TRAP1: variants seen among roughly 807,000 people sequenced by gnomAD.
The protein encoded by TRAP1 is TNF receptor associated protein 1, also known as heat shock protein 75 kDa, mitochondrial.
In TRAP1, 102 loss-of-function variants were observed where a neutral mutation model predicts 89.1. The ratio of observed to expected loss-of-function variants is 1.15; its 90% confidence interval spans 0.98 to 1.35. TRAP1 has a LOEUF of 1.35. Ranked by LOEUF, TRAP1 falls within the 40% of genes most tolerant of loss-of-function variation. The pLI is 0.00. For missense variants in TRAP1, 1,256 were observed against 945.3 expected, an observed-to-expected ratio of 1.33 and a Z score of -4.31; for synonymous variants, 508 against 388.0, an observed-to-expected ratio of 1.31 and a Z score of -3.64.
At chr16:3,708,295 G>A (rs2051478390) in intron 1 of TRAP1, among the ~76,000 whole-genome samples, 1 of 152,062 alleles carries the variant, frequency 6.6e-6, no homozygotes, top group Non-Finnish European at 1.5e-5. Flanking sequence ...AGACTAGCCT[G>A]GCCAACATGG....
chr16:3,683,822 G>A (rs2051104076), intron 4 of TRAP1, among the ~76,000 whole-genome samples: 2 of 151,240 alleles, frequency 1.3e-5, no homozygotes, highest in African/African-American at 2.4e-5. Flanking sequence ...TTTTTCAGAT[G>A]TAGACAGAAA....
At chr16:3,659,049 C>CAGGAGTGTCAGTATTAGAAAATGCTGT in intron 16 of TRAP1, 184 bp from the exon 17 acceptor site, 3 of 610,076 alleles carry the variant, frequency 4.9e-6, no homozygotes, top group South Asian at 2.4e-5. Context: ...CCAAGAGAAT[C>CAGGAGTGTCAGTATTAGAAAATGCTGT]AGGAGTGTCA....
At chr16:3,676,220 C>A in intron 6 of TRAP1, 75 bp from the exon 7 acceptor site, 1 of 1,345,586 alleles carries the variant, frequency 7.4e-7, no homozygotes, top group Non-Finnish European at 1.0e-6. Context: ...TCCAGCGGTT[C>A]CCGAGGGTTT....
At position 3,660,281 on chromosome 16, in the gene TRAP1, T is replaced by C. The variant is rs1412237641; in HGVS notation, c.1941-1416A>G. On this transcript the variant is annotated intron_variant, in intron 16 of 17. Transcript: ENST00000246957. ...TGGGGACACAGGTAGGAGGAAATTT[T>C]CCCCTGTAAGCAGTTTTGAATTCTG... is the stretch of plus-strand genomic sequence containing the variant. 2.0e-5 allele frequency: 3 copies of C among 152,210 alleles called. No individual in the cohort carries two copies. The East Asian group carries it at 5.8e-4, about 29-fold the overall frequency. 9.4% of individuals were successfully genotyped at this position (152,210 alleles called of 1,614,324 possible). A position where few individuals can be genotyped will look rare whatever the true frequency, so the allele number is the denominator to read the frequency against.
chr16:3,709,244 A>AAG (rs1555468096), intron 1 of TRAP1, among the ~76,000 whole-genome samples: 1 of 149,284 alleles, frequency 6.7e-6, no homozygotes, highest in Non-Finnish European at 1.5e-5. Context: ...AAAAAAAAAA[A>AAG]AAAGAAAAAG....
At position 3,710,335 on chromosome 16, in the gene TRAP1, A is replaced by G. The variant is rs9972684; in HGVS notation, c.88+7086T>C. On this transcript the variant is annotated intron_variant, in intron 1 of 17. Transcript: ENST00000246957. ...AAGGAGAGAACAGGGCTCCAGACAG[A>G]CCTGCAAGTTAAGGCCACAGTAAGA... The G allele has an allele frequency of 0.67, 101,272 of 152,148 alleles. 35,547 individuals are homozygous for G. The highest frequency in any genetic ancestry group is 0.89 in the African/African-American group (37,008 of 41,536). The allele number at this position is 152,148 out of a possible 1,614,324, so 9.4% of individuals were successfully genotyped here. A position where few individuals can be genotyped will look rare whatever the true frequency, so the allele number is the denominator to read the frequency against.
Position 3,664,654 on chromosome 16 carries a change from C to A in TRAP1, c.1384-195G>T. ...GCCCATCAGGCCCCTTTTGGGAGCT[C>A]TGGGGGCTTAGGAAGCACCTCCTGC... On this transcript the variant is annotated intron_variant, in intron 12 of 17. Coordinates refer to ENST00000246957, the MANE Select transcript of TRAP1 (RefSeq NM_016292.3). 17 of 597,396 alleles carry A rather than the reference C, an allele frequency of 2.8e-5. 1 individual carries two copies. In the South Asian group the frequency reaches 4.0e-4, roughly 14 times the overall value. The allele number at this position is 597,396 out of a possible 1,614,324, so 37.0% of individuals were successfully genotyped here.
intron 7 of TRAP1, 53 bp from the exon 8 acceptor site, chr16:3,675,450 C>T: frequency 6.3e-7 from 1 of 1,579,586 alleles, no homozygotes; most frequent in Admixed American, 1.7e-5. Flanking sequence ...TGTGGAAACG[C>T]AAGCTTTGCA....
chr16:3,703,646 A>ATACCTCT (rs1162265153), intron 1 of TRAP1, among the ~76,000 whole-genome samples: 1 of 152,036 alleles, frequency 6.6e-6, no homozygotes, highest in Non-Finnish European at 1.5e-5. Context: ...TTCATCAGAT[A>ATACCTCT]TACCTCTGTA....
chr16:3,686,523 C>T (rs890254521), intron 3 of TRAP1, among the ~76,000 whole-genome samples: 2 of 152,178 alleles, frequency 1.3e-5, no homozygotes, highest in African/African-American at 4.8e-5. Context: ...CGCTATGTTG[C>T]CCAGGCTGGT....
chr16:3,671,765 G>T lies in TRAP1; in HGVS notation c.1192C>A (p.Leu398Met), dbSNP rs750071475. The change falls in exon 11 of 18, where the codon CTG becomes ATG. Residue 398 changes from leucine to methionine, a missense_variant. Transcript: ENST00000246957. ...RGVVDSEDIP[L>M]NLSRELLQES... Reference sequence around the variant, plus strand: ...TGCAGCAGCTCCCGGCTGAGGTTCAGGGGAATGTCCTCACTGTCCACCACA... The same window carrying T: ...TGCAGCAGCTCCCGGCTGAGGTTCATGGGAATGTCCTCACTGTCCACCACA... The T allele has an allele frequency of 6.2e-7, 1 of 1,613,216 alleles. No individual in the cohort carries two copies. The highest frequency in any genetic ancestry group is 2.2e-5 in the East Asian group (1 of 44,888).
chr16:3,693,165 T>A (rs1292686879), intron 1 of TRAP1, among the ~76,000 whole-genome samples: 1 of 151,518 alleles, frequency 6.6e-6, no homozygotes, highest in Admixed American at 6.6e-5. Flanking sequence ...GTCAGGCTGC[T>A]CTCGAACTAT....
In TRAP1 at chr16:3,687,863, C is replaced by CAAAA. The variant is rs200270261; in HGVS notation, c.330+1188_330+1191dup. Among the ~76,000 whole-genome samples the CAAAA allele has an allele frequency of 7.9e-3, 883 of 112,104 alleles. 7 individuals are homozygous for CAAAA. Among genetic ancestry groups the CAAAA allele is most frequent in the Non-Finnish European group, 0.012 (649 of 55,534 alleles). 73.5% of individuals were successfully genotyped at this position (112,104 alleles called of 152,430 possible). A position where few individuals can be genotyped will look rare whatever the true frequency, so the allele number is the denominator to read the frequency against. Reference sequence around the variant, plus strand: ...ACCCTGTTCCAAAAAATTAAAAAACCAAAAAAAAAAAAAACAAAAACCCAC... The same window carrying CAAAA: ...ACCCTGTTCCAAAAAATTAAAAAACCAAAAAAAAAAAAAAAAAACAAAAACCCAC... On this transcript the variant is annotated intron_variant, in intron 3 of 17. Coordinates refer to ENST00000246957, the MANE Select transcript of TRAP1 (RefSeq NM_016292.3).
chr16:3,707,196 T>C (rs1395731572), intron 1 of TRAP1, among the ~76,000 whole-genome samples: 1 of 149,818 alleles, frequency 6.7e-6, no homozygotes, highest in Non-Finnish European at 1.5e-5. Flanking sequence ...TTTTTTTTTT[T>C]TTTTTTTGAG....
At position 3,690,831 on chromosome 16, in the gene TRAP1, CA is replaced by C; in HGVS notation, c.242del (p.Val81GlyfsTer36). ...LHSIISSTES[V>X]QGSTSKHEFQ... The stretch of plus-strand genomic sequence containing the variant: ...CAAAGCACGAGCCAAGGCTACCCTG[CA>C]CGCTCTCTGTGCTGCTGATAATCGA... On this transcript the variant is annotated frameshift_variant, in exon 2 of 18. Coordinates refer to ENST00000246957, the MANE Select transcript of TRAP1 (RefSeq NM_016292.3). LOFTEE classifies it high-confidence loss of function. The C allele has an allele frequency of 2.7e-6, 4 of 1,483,454 alleles. No individual in the cohort carries two copies. Among genetic ancestry groups the C allele is most frequent in the Non-Finnish European group, 3.6e-6 (4 of 1,111,886 alleles). 91.9% of individuals were successfully genotyped at this position (1,483,454 alleles called of 1,614,324 possible). A position where few individuals can be genotyped will look rare whatever the true frequency, so the allele number is the denominator to read the frequency against.
intron 1 of TRAP1, among the ~76,000 whole-genome samples, chr16:3,714,765 C>A (rs1567250129): frequency 6.6e-6 from 1 of 152,150 alleles, no homozygotes; most frequent in African/African-American, 2.4e-5. Flanking sequence ...GTGACTGAGG[C>A]AGCGTAGCAT....
At chr16:3,691,964 C>T (rs924972187) in intron 1 of TRAP1, among the ~76,000 whole-genome samples, 2 of 152,086 alleles carry the variant, frequency 1.3e-5, no homozygotes, top group Non-Finnish European at 1.5e-5. Flanking sequence ...AGTTCACCGA[C>T]GCAGGCCCAG....
chr16:3,688,296 TG>T (rs2151267805), intron 3 of TRAP1, among the ~76,000 whole-genome samples: 1 of 152,110 alleles, frequency 6.6e-6, no homozygotes, highest in South Asian at 2.1e-4. Context: ...TCACCGCACC[TG>T]GCCCCAAATG....
intron 1 of TRAP1, among the ~76,000 whole-genome samples, chr16:3,703,446 A>T (rs1158954818): frequency 1.3e-5 from 2 of 151,890 alleles, no homozygotes; most frequent in East Asian, 3.9e-4. Flanking sequence ...CAAAGAAAAA[A>T]CACTAGAGGT....
Sources: allele counts gnomAD v4.1 joint callset (sites outside exome capture counted in the v4.1 genomes callset), GRCh38; gene constraint gnomAD v4.1.1; transcripts MANE v1.5; gene names NCBI Gene and HGNC (gene_info 2026-07-23, HGNC 2026-07-21).